NRXN1: variants seen among roughly 807,000 people sequenced by gnomAD.
NRXN1 encodes neurexin 1, also known as neurexin-1.
In NRXN1, 39 loss-of-function variants were observed where a neutral mutation model predicts 150.9. That is an observed-to-expected ratio of 0.26 (90% confidence interval 0.20 to 0.34). NRXN1 has a LOEUF of 0.34. Among genes scored for constraint, NRXN1 ranks in the 10% least tolerant of loss-of-function variants. The pLI, the probability that NRXN1 is intolerant of heterozygous loss-of-function variation, is 1.00. For synonymous variants in NRXN1, 924 were observed against 757.0 expected (o/e 1.22, Z -3.62); for missense variants, 1,815 against 1,949.9 (o/e 0.93, Z 1.30).
chr2:50,735,480 G>C (rs889382576), intron 5 of NRXN1, among the ~76,000 whole-genome samples: 1 of 152,036 alleles, frequency 6.6e-6, no homozygotes, highest in Non-Finnish European at 1.5e-5. Flanking sequence ...AAGCCACTGG[G>C]AATTTTGAAA....
intron 5 of NRXN1, among the ~76,000 whole-genome samples, chr2:50,827,286 T>A (rs1300715402): frequency 6.6e-6 from 1 of 152,240 alleles, no homozygotes; most frequent in East Asian, 1.9e-4. Context: ...TCATCCCTGA[T>A]TTCATGAATA....
chr2:50,067,259 C>T (rs190983538), intron 19 of NRXN1, among the ~76,000 whole-genome samples: 1 of 152,304 alleles, frequency 6.6e-6, no homozygotes, highest in African/African-American at 2.4e-5. Context: ...TCACATCCCT[C>T]TCTTATGTGG....
At chr2:50,393,682 C>T (rs1362349692) in intron 17 of NRXN1, among the ~76,000 whole-genome samples, 1 of 152,004 alleles carries the variant, frequency 6.6e-6, no homozygotes, top group Non-Finnish European at 1.5e-5. Flanking sequence ...CGAAGTGTTC[C>T]TTTAGCAGGA....
At chr2:49,931,479 C>T in intron 22 of NRXN1, among the ~76,000 whole-genome samples, 1 of 152,052 alleles carries the variant, frequency 6.6e-6, no homozygotes, top group Admixed American at 6.6e-5. Context: ...CATCATCTGA[C>T]ACCCACAGTA....
At chr2:50,973,420 G>T (rs553996106) in intron 2 of NRXN1, among the ~76,000 whole-genome samples, 1 of 152,052 alleles carries the variant, frequency 6.6e-6, no homozygotes, top group African/African-American at 2.4e-5. Flanking sequence ...GTTCTCATTT[G>T]TCTTAAAGAT....
chr2:50,427,162 G>C (rs959637818), intron 17 of NRXN1, among the ~76,000 whole-genome samples: 1 of 152,000 alleles, frequency 6.6e-6, no homozygotes. Context: ...TTTTTGTGAC[G>C]ATAAAAATAC....
At chr2:50,495,641 AT>A (rs2091559059) in intron 15 of NRXN1, among the ~76,000 whole-genome samples, 1 of 152,136 alleles carries the variant, frequency 6.6e-6, no homozygotes, top group South Asian at 2.1e-4. Flanking sequence ...CAAGACCAAT[AT>A]TATATTTTTC....
At chr2:49,928,384 A>AC (rs1472643009) in intron 22 of NRXN1, among the ~76,000 whole-genome samples, 3 of 151,982 alleles carry the variant, frequency 2.0e-5, no homozygotes, top group African/African-American at 7.2e-5. Context: ...TTCTGTCTCC[A>AC]CCCCACCTAG....
chr2:50,527,004 T>C (rs534026682), intron 12 of NRXN1, among the ~76,000 whole-genome samples: 4 of 152,294 alleles, frequency 2.6e-5, no homozygotes, highest in South Asian at 2.1e-4. Context: ...AAATCATTGA[T>C]ATAGCCACAG....
rs533753376 is a variant in NRXN1 at position 50,837,103 on chromosome 2, T to C, written c.832+84766A>G. Among the ~76,000 whole-genome samples, 3 of 152,214 alleles carry C rather than the reference T, an allele frequency of 2.0e-5. No individual in the cohort carries two copies. In the South Asian group the frequency reaches 6.2e-4, roughly 32 times the overall value. ...AAAACCTACCCTGGTTAACACCGTATCTCCAGAGAAAAACACAATGCCTGC... is the reference window on the plus strand; with the variant it reads ...AAAACCTACCCTGGTTAACACCGTACCTCCAGAGAAAAACACAATGCCTGC... On this transcript the variant is annotated intron_variant, in intron 5 of 22. Transcript: ENST00000401669.
At chr2:50,686,656 T>C (rs1378983513) in intron 5 of NRXN1, among the ~76,000 whole-genome samples, 2 of 152,174 alleles carry the variant, frequency 1.3e-5, no homozygotes, top group African/African-American at 4.8e-5. Flanking sequence ...TCAAATACAA[T>C]TTCTTAGAAA....
intron 5 of NRXN1, among the ~76,000 whole-genome samples, chr2:50,635,211 G>T (rs958570392): frequency 1.3e-5 from 2 of 151,428 alleles, no homozygotes; most frequent in Non-Finnish European, 2.9e-5. Flanking sequence ...AGGCTGGAGT[G>T]CAGTGGCGCG....
chr2:50,421,728 A>G (rs1286421568), intron 17 of NRXN1, among the ~76,000 whole-genome samples: 1 of 152,176 alleles, frequency 6.6e-6, no homozygotes, highest in Non-Finnish European at 1.5e-5. Flanking sequence ...TGTATTTTGT[A>G]GCTAAACAAA....
At chr2:50,350,036 A>C (rs1354082246) in intron 17 of NRXN1, among the ~76,000 whole-genome samples, 1 of 152,198 alleles carries the variant, frequency 6.6e-6, no homozygotes, top group Non-Finnish European at 1.5e-5. Context: ...GTGGCAAATA[A>C]AGTCCCTGTG....
At position 50,982,707 on chromosome 2, in the gene NRXN1, T is replaced by C. The variant is rs957298245; in HGVS notation, c.772+44795A>G. On this transcript the variant is annotated intron_variant, in intron 2 of 22. Transcript: ENST00000401669. Reference sequence around the variant, plus strand: ...AAGCTTGCTGTTGACTACAAAGATGTTGAAAATATAAAAATATAAAAATAA... The same window carrying C: ...AAGCTTGCTGTTGACTACAAAGATGCTGAAAATATAAAAATATAAAAATAA... Among the ~76,000 whole-genome samples the C allele has an allele frequency of 2.6e-5, 4 of 152,092 alleles. No individual in the cohort carries two copies. In the East Asian group the frequency reaches 7.7e-4, roughly 29 times the overall value.
intron 5 of NRXN1, among the ~76,000 whole-genome samples, chr2:50,672,907 T>C (rs1160365689): frequency 3.3e-5 from 5 of 152,050 alleles, no homozygotes; most frequent in Admixed American, 3.3e-4. Flanking sequence ...TTCAAACATA[T>C]CTTTACATTT....
intron 17 of NRXN1, among the ~76,000 whole-genome samples, chr2:50,264,016 A>C (rs2068586245): frequency 1.3e-5 from 2 of 152,140 alleles, no homozygotes; most frequent in African/African-American, 4.8e-5. Context: ...TAATGAACCT[A>C]GTCTGTTGAG....
intron 17 of NRXN1, among the ~76,000 whole-genome samples, chr2:50,383,463 T>A (rs1369027448): frequency 6.6e-6 from 1 of 152,192 alleles, no homozygotes; most frequent in Non-Finnish European, 1.5e-5. Context: ...AAAATTCTTT[T>A]AAAGTTTTAT....
At chr2:50,714,241 G>A (rs1438822191) in intron 5 of NRXN1, among the ~76,000 whole-genome samples, 1 of 152,056 alleles carries the variant, frequency 6.6e-6, no homozygotes, top group African/African-American at 2.4e-5. Flanking sequence ...TATACAATTT[G>A]CACTTTAATC....
Sources: allele counts gnomAD v4.1 joint callset (sites outside exome capture counted in the v4.1 genomes callset), GRCh38; gene constraint gnomAD v4.1.1; transcripts MANE v1.5; gene names NCBI Gene and HGNC (gene_info 2026-07-23, HGNC 2026-07-21).